The following ITIH4 variants were observed in gnomAD, a reference collection of about 807,000 sequenced individuals.
The protein encoded by ITIH4 is inter-alpha-trypsin inhibitor heavy chain H4.
Under a neutral mutation model 111.8 loss-of-function variants are expected in ITIH4, and 79 were observed. The observed-to-expected ratio is 0.71, with a 90% CI of 0.59 to 0.85. The LOEUF (loss-of-function observed/expected upper bound fraction) is 0.85, where lower values mean the gene tolerates loss of function less well. Among genes scored for constraint, ITIH4 ranks in the 40% least tolerant of loss-of-function variants. The pLI, the probability that ITIH4 is intolerant of heterozygous loss-of-function variation, is 0.00. For synonymous variants in ITIH4, 472 were observed against 468.3 expected, an observed-to-expected ratio of 1.01 and a Z score of -0.10; for missense variants, 1,065 against 1,195.8, an observed-to-expected ratio of 0.89 and a Z score of 1.61.
chr3:52,820,053 G>T, intron 14 of ITIH4, 63 bp from the exon 15 acceptor site: 1 of 1,543,902 alleles, frequency 6.5e-7, no homozygotes, highest in South Asian at 1.1e-5. Context: ...CCACTTGGAT[G>T]GGGACTGTAT....
At position 52,823,597 on chromosome 3, in the gene ITIH4, G is replaced by T; in HGVS notation, c.1498C>A (p.Arg500=). 5 of 1,613,564 alleles carry T rather than the reference G, an allele frequency of 3.1e-6. No homozygotes were observed. Among genetic ancestry groups the T allele is most frequent in the Non-Finnish European group, 3.4e-6 (4 of 1,179,876 alleles). ...GTGGCTGTGAGCACATCAGGCCCCC[G>T]GTCCTGGAGCTTCCCAGCCACCACC... ...EMVVAGKLQD[R]GPDVLTATVS... The change falls in exon 11 of 24, where the codon CGG becomes AGG. Residue 500 remains arginine (R), a synonymous_variant. Coordinates refer to ENST00000266041, the MANE Select transcript of ITIH4 (RefSeq NM_002218.5).
intron 2 of ITIH4, 93 bp downstream of exon 2, chr3:52,829,026 G>T: frequency 1.7e-6 from 2 of 1,194,140 alleles, no homozygotes; most frequent in Non-Finnish European, 2.3e-6. Flanking sequence ...ACCCTGGCAT[G>T]CCTTACTTCA....
chr3:52,828,557 T>G (rs948640876), intron 2 of ITIH4, among the ~76,000 whole-genome samples: 1 of 152,100 alleles, frequency 6.6e-6, no homozygotes, highest in African/African-American at 2.4e-5. Context: ...TAGTAAACAT[T>G]GGAAACTGAG....
intron 21 of ITIH4, among the ~76,000 whole-genome samples, chr3:52,816,606 A>T (rs1346464320): frequency 6.6e-6 from 1 of 152,186 alleles, no homozygotes; most frequent in Non-Finnish European, 1.5e-5. Flanking sequence ...AGAGGGACTT[A>T]GCTGCCTGCC....
chr3:52,813,635 G>A, intron 23 of ITIH4, 145 bp from the exon 24 acceptor site: 1 of 738,678 alleles, frequency 1.4e-6, no homozygotes, highest in South Asian at 1.6e-5. Context: ...GGCCAACAAG[G>A]CCCAGTCACC....
rs1700349582 is a variant in ITIH4 at position 52,819,996 on chromosome 3, A to T, written c.1862-6T>A. ...ATATTTGAAGAAAGTGGAACCTGGAAATCAGTGGGACCTGGGTTTGCATCT... is the reference window on the plus strand; with the variant it reads ...ATATTTGAAGAAAGTGGAACCTGGATATCAGTGGGACCTGGGTTTGCATCT... On this transcript the variant is annotated splice_polypyrimidine_tract_variant and splice_region_variant and intron_variant, in intron 14 of 23. Coordinates refer to ENST00000266041, the MANE Select transcript of ITIH4 (RefSeq NM_002218.5). The T allele has an allele frequency of 1.9e-6, 3 of 1,613,996 alleles. No homozygotes were observed. In the East Asian group the frequency reaches 6.7e-5, roughly 36 times the overall value.
chr3:52,823,381 T>C (rs1700420595), intron 11 of ITIH4, 175 bp downstream of exon 11: 20 of 611,584 alleles, frequency 3.3e-5, no homozygotes, highest in Non-Finnish European at 5.2e-5. Context: ...CTGTATGTGC[T>C]GGTCTCATGA....
Position 52,823,647 on chromosome 3 carries a change from C to G in ITIH4, c.1448G>C (p.Arg483Pro). ...CATCTCTGAGCCCTTGAAGAGGAGC[C>G]GGAAGTTGTTCTGAGTGACCTCCTC... is the stretch of plus-strand genomic sequence containing the variant. ...AVEEVTQNNFRLLFKGSEMVV... is the reference protein window; with the variant it reads ...AVEEVTQNNFPLLFKGSEMVV... The change falls in exon 11 of 24, where the codon CGG (arginine) becomes CCG (proline). Residue 483 changes from arginine (R) to proline (P), a missense_variant. Coordinates refer to ENST00000266041, the MANE Select transcript of ITIH4 (RefSeq NM_002218.5). The G allele has an allele frequency of 3.7e-6, 6 of 1,614,136 alleles. No individual in the cohort carries two copies. The highest frequency in any genetic ancestry group is 4.2e-6 in the Non-Finnish European group (5 of 1,180,012).
chr3:52,820,205 G>C, intron 14 of ITIH4, 86 bp downstream of exon 14: 1 of 1,576,454 alleles, frequency 6.3e-7, no homozygotes, highest in Non-Finnish European at 8.7e-7. Flanking sequence ...CTGGGCCCTG[G>C]CCAGCAACCT....
chr3:52,819,711 C>T (rs150216819), intron 16 of ITIH4, 43 bp downstream of exon 16: 8 of 1,605,290 alleles, frequency 5.0e-6, no homozygotes, highest in African/African-American at 1.3e-5. Flanking sequence ...AAGCTCCCCC[C>T]CAGGGATGTC....
rs1022545117 is a variant in ITIH4, at chr3:52,823,586, A to G, written c.1509T>C (p.Asp503=). The G allele has an allele frequency of 6.2e-7, 1 of 1,612,450 alleles. No individual in the cohort carries two copies. Among genetic ancestry groups the G allele is most frequent in the African/African-American group, 1.3e-5 (1 of 74,924 alleles). The change falls in exon 11 of 24, where the codon GAT becomes GAC. Residue 503 remains aspartate, a synonymous_variant. Transcript: ENST00000266041. ...TCCCACTGACTGTGGCTGTGAGCAC[A>G]TCAGGCCCCCGGTCCTGGAGCTTCC... is the stretch of plus-strand genomic sequence containing the variant. The part of the protein sequence containing the change: ...VAGKLQDRGP[D]VLTATVSGKL...
intron 13 of ITIH4, 139 bp downstream of exon 13, chr3:52,820,491 TC>T: frequency 8.4e-7 from 1 of 1,188,938 alleles, no homozygotes; most frequent in South Asian, 1.5e-5. Context: ...ACTTTCCTCA[TC>T]AGTGAATAGG....
At position 52,814,012 on chromosome 3, in the gene ITIH4, T is replaced by C. The variant is rs768308001; in HGVS notation, c.2686A>G (p.Thr896Ala). The C allele has an allele frequency of 4.3e-6, 7 of 1,613,646 alleles. No individual in the cohort carries two copies. The African/African-American group carries it at 8.0e-5, about 18-fold the overall frequency. ...SPAASDDGRR[T>A]LRVQGNDHSA... Reference sequence around the variant, plus strand: ...TGGTCATTGCCCTGAACCCTCAGCGTGCGTCTGCCGTCATCTGATGCTGCT... The same window carrying C: ...TGGTCATTGCCCTGAACCCTCAGCGCGCGTCTGCCGTCATCTGATGCTGCT... The change falls in exon 23 of 24, where the codon ACG (threonine) becomes GCG (alanine). Residue 896 changes from threonine to alanine, a missense_variant. Thr to Ala is a moderately conservative substitution (Grantham distance 58). Transcript: ENST00000266041.
At chr3:52,830,015 G>A (rs1559483319) in intron 1 of ITIH4, 1 of 291,498 alleles carries the variant, frequency 3.4e-6, no homozygotes, top group South Asian at 3.4e-5. Flanking sequence ...AACTCTGCTC[G>A]GCTGCATGCG....
chr3:52,826,976 C>T (rs766022966), intron 3 of ITIH4, 23 bp from the exon 4 acceptor site: 3 of 1,614,038 alleles, frequency 1.9e-6, no homozygotes, highest in South Asian at 2.2e-5. Context: ...GGCATCAGGC[C>T]TGCTCCTCCA....
intron 20 of ITIH4, among the ~76,000 whole-genome samples, chr3:52,817,358 T>C (rs1178809820): frequency 6.6e-6 from 1 of 152,214 alleles, no homozygotes; most frequent in African/African-American, 2.4e-5. Flanking sequence ...GAACGCCCCA[T>C]GGAGCGCCTG....
In ITIH4 at chr3:52,818,143, G is replaced by A. The variant is rs1700312088; in HGVS notation, c.2205C>T (p.Ile735=). 1 of 1,613,264 alleles carries A rather than the reference G, an allele frequency of 6.2e-7. No homozygotes were observed. The highest frequency in any genetic ancestry group is 8.5e-7 in the Non-Finnish European group (1 of 1,179,536). ...TPAPIQAPSA[I]LPLPGQSVER... Reference sequence around the variant, plus strand: ...CCACACTCTGCCCAGGCAGTGGCAGGATGGCAGAGGGAGCCTGTATGGGGG... The same window carrying A: ...CCACACTCTGCCCAGGCAGTGGCAGAATGGCAGAGGGAGCCTGTATGGGGG... Residue 735 remains isoleucine (I), a synonymous_variant, in exon 20 of 24, where the codon ATC becomes ATT. Coordinates refer to ENST00000266041, the MANE Select transcript of ITIH4 (RefSeq NM_002218.5).
At chr3:52,829,663 C>A (rs920409113) in intron 1 of ITIH4, among the ~76,000 whole-genome samples, 4 of 152,188 alleles carry the variant, frequency 2.6e-5, no homozygotes, top group African/African-American at 9.7e-5. Flanking sequence ...CTGGTGGGGT[C>A]AGGGAGCTTT....
At chr3:52,829,791 A>G (rs1466216196) in intron 1 of ITIH4, 3 of 158,780 alleles carry the variant, frequency 1.9e-5, no homozygotes, top group African/African-American at 4.8e-5. Flanking sequence ...GGAAGCCCTC[A>G]GAGCTGGGAG....
Sources: gnomAD v4.1 joint callset for allele counts (sites outside exome capture counted in the v4.1 genomes callset) on GRCh38, gnomAD v4.1.1 for gene constraint, MANE v1.5 for transcripts, NCBI Gene and HGNC (gene_info 2026-07-23, HGNC 2026-07-21) for gene names.